SUMF1: variants seen among roughly 807,000 people sequenced by gnomAD.
SUMF1 encodes the protein formylglycine-generating enzyme.
SUMF1 carries 48 observed loss-of-function variants against 47.6 expected under a neutral mutation model. The ratio of observed to expected loss-of-function variants is 1.01; its 90% CI spans 0.80 to 1.28. The LOEUF (loss-of-function observed/expected upper bound fraction) is 1.28, where lower values mean the gene tolerates loss of function less well. Among genes scored for constraint, SUMF1 ranks in the 50% most tolerant of loss-of-function variants. SUMF1 has a pLI of 0.00. For synonymous variants in SUMF1, 230 were observed against 192.1 expected, an observed-to-expected ratio of 1.20 and a Z score of -1.63; for missense variants, 571 against 485.4, an observed-to-expected ratio of 1.18 and a Z score of -1.66.
intron 8 of SUMF1, among the ~76,000 whole-genome samples, chr3:4,279,468 G>T (rs756460304): frequency 6.6e-6 from 1 of 152,096 alleles, no homozygotes; most frequent in South Asian, 2.1e-4. Flanking sequence ...GAAGAATGAG[G>T]TAGCTTAGTG....
At chr3:4,410,254 T>C (rs1701499159) in intron 7 of SUMF1, among the ~76,000 whole-genome samples, 1 of 152,228 alleles carries the variant, frequency 6.6e-6, no homozygotes, top group South Asian at 2.1e-4. Flanking sequence ...CAGGGTAGTA[T>C]ACTATTTGCA....
chr3:4,423,204 G>A (rs1701959748), intron 3 of SUMF1, among the ~76,000 whole-genome samples: 1 of 151,624 alleles, frequency 6.6e-6, no homozygotes, highest in South Asian at 2.1e-4. Context: ...GTTTATAGCA[G>A]CATAATTCAC....
intron 8 of SUMF1, among the ~76,000 whole-genome samples, chr3:4,362,694 G>GGA (rs573658095): frequency 3.9e-5 from 6 of 152,142 alleles, no homozygotes; most frequent in Non-Finnish European, 7.3e-5. Flanking sequence ...GGCTGAAATG[G>GGA]GAGAACTGTT....
At chr3:4,206,819 TA>T (rs201555777) in intron 8 of SUMF1, among the ~76,000 whole-genome samples, 34 of 152,118 alleles carry the variant, frequency 2.2e-4, no homozygotes, top group African/African-American at 7.0e-4. Context: ...CTTTTTTTTT[TA>T]AATTTTGTTT....
intron 8 of SUMF1, among the ~76,000 whole-genome samples, chr3:4,102,661 G>A (rs2125062753): frequency 6.6e-6 from 1 of 152,142 alleles, no homozygotes; most frequent in South Asian, 2.1e-4. Flanking sequence ...TATTATATAT[G>A]GAATAATTAT....
At chr3:4,179,099 G>A (rs1482684297) in intron 8 of SUMF1, among the ~76,000 whole-genome samples, 1 of 152,112 alleles carries the variant, frequency 6.6e-6, no homozygotes, top group Non-Finnish European at 1.5e-5. Context: ...TCAATATCAT[G>A]AAAACACTGC....
intron 9 of SUMF1, among the ~76,000 whole-genome samples, chr3:4,054,796 C>T (rs1263646770): frequency 6.6e-6 from 1 of 152,126 alleles, no homozygotes; most frequent in Non-Finnish European, 1.5e-5. Context: ...AGATATTGAG[C>T]TGTTAATTTG....
At chr3:4,432,654 C>T (rs1017177938) in intron 3 of SUMF1, among the ~76,000 whole-genome samples, 2 of 152,184 alleles carry the variant, frequency 1.3e-5, no homozygotes, top group African/African-American at 4.8e-5. Context: ...GACCCAAGAG[C>T]ACAACTGCAT....
intron 8 of SUMF1, among the ~76,000 whole-genome samples, chr3:4,197,383 G>A (rs996659376): frequency 6.6e-6 from 1 of 152,128 alleles, no homozygotes; most frequent in Admixed American, 6.6e-5. Flanking sequence ...TTACAGGTGT[G>A]AGCCAGTGCA....
intron 3 of SUMF1, among the ~76,000 whole-genome samples, chr3:4,447,803 C>G (rs1349841665): frequency 6.6e-6 from 1 of 152,188 alleles, no homozygotes; most frequent in Non-Finnish European, 1.5e-5. Flanking sequence ...CACAAGCACA[C>G]ACACTTTACT....
chr3:4,313,074 T>C, intron 8 of SUMF1: 2 of 1,613,960 alleles, frequency 1.2e-6, no homozygotes, highest in Non-Finnish European at 1.7e-6. Context: ...GAGGAAAGTA[T>C]GCAGAGCCTG....
chr3:4,040,122 G>A (rs1235758931), intron 9 of SUMF1, among the ~76,000 whole-genome samples: 1 of 152,102 alleles, frequency 6.6e-6, no homozygotes, highest in African/African-American at 2.4e-5. Flanking sequence ...TGATAGATAT[G>A]TTGATTAGCT....
chr3:4,135,123 G>A (rs1187028963), intron 8 of SUMF1, among the ~76,000 whole-genome samples: 3 of 152,128 alleles, frequency 2.0e-5, no homozygotes, highest in Non-Finnish European at 4.4e-5. Flanking sequence ...CTCATTTGAT[G>A]ATGCCAGCAT....
At chr3:4,243,545 G>A (rs1216403179) in intron 8 of SUMF1, among the ~76,000 whole-genome samples, 1 of 152,000 alleles carries the variant, frequency 6.6e-6, no homozygotes, top group East Asian at 1.9e-4. Context: ...GGAGCCAGTT[G>A]TTCAGTTTCC....
chr3:4,279,851 A>G (rs552596797), intron 8 of SUMF1, among the ~76,000 whole-genome samples: 53 of 152,310 alleles, frequency 3.5e-4, no homozygotes, highest in African/African-American at 1.2e-3. Context: ...AGTGTACCAG[A>G]TGGCATACAC....
intron 3 of SUMF1, among the ~76,000 whole-genome samples, chr3:4,442,274 G>C (rs138394078): frequency 1.2e-5 from 1 of 81,646 alleles, no homozygotes; most frequent in Non-Finnish European, 2.8e-5. Context: ...TTTTTTTTTT[G>C]AGACGGAGTC....
At chr3:4,045,421 CATCT>C (rs1334002315) in intron 9 of SUMF1, among the ~76,000 whole-genome samples, 2 of 151,720 alleles carry the variant, frequency 1.3e-5, no homozygotes, top group African/African-American at 2.4e-5. Context: ...TTCATCCATC[CATCT>C]TTCTGCTTGT....
intron 8 of SUMF1, among the ~76,000 whole-genome samples, chr3:4,226,353 T>A (rs1027480049): frequency 2.2e-5 from 3 of 137,222 alleles, no homozygotes; most frequent in Non-Finnish European, 4.6e-5. Context: ...CACTGCAACC[T>A]CTGCCTCCTG....
At chr3:4,159,844 G>T (rs1559521707) in intron 8 of SUMF1, among the ~76,000 whole-genome samples, 1 of 152,088 alleles carries the variant, frequency 6.6e-6, no homozygotes, top group African/African-American at 2.4e-5. Flanking sequence ...TAGGGTAAAA[G>T]TTTTTTTCCC....
Sources: allele counts gnomAD v4.1 joint callset (sites outside exome capture counted in the v4.1 genomes callset), GRCh38; gene constraint gnomAD v4.1.1; transcripts MANE v1.5; gene names NCBI Gene and HGNC (gene_info 2026-07-23, HGNC 2026-07-21).